PRKG1: variants seen among roughly 807,000 people sequenced by gnomAD.
PRKG1 encodes cGMP-dependent protein kinase 1.
Under a neutral mutation model 88.1 loss-of-function variants are expected in PRKG1, and 35 were observed. The observed-to-expected ratio is 0.40, with a 90% confidence interval of 0.30 to 0.53. PRKG1 has a LOEUF of 0.53. Among genes scored for constraint, PRKG1 ranks in the 20% least tolerant of loss-of-function variants. The pLI is 0.59. For synonymous variants in PRKG1, 303 were observed against 292.5 expected (o/e 1.04, Z -0.37); for missense variants, 540 against 839.8 (o/e 0.64, Z 4.41).
At chr10:51,581,487 G>A (rs1202552548) in intron 3 of PRKG1, among the ~76,000 whole-genome samples, 1 of 152,020 alleles carries the variant, frequency 6.6e-6, no homozygotes, top group Non-Finnish European at 1.5e-5. Context: ...TGCCCCTCAT[G>A]CGTCTGTTTA....
chr10:51,329,720 T>G (rs1230082887), intron 2 of PRKG1, among the ~76,000 whole-genome samples: 1 of 152,086 alleles, frequency 6.6e-6, no homozygotes, highest in African/African-American at 2.4e-5. Flanking sequence ...GGTTCCTTGT[T>G]TTTTGTTTTT....
chr10:51,304,233 C>T (rs1001206435), intron 2 of PRKG1, among the ~76,000 whole-genome samples: 2 of 136,670 alleles, frequency 1.5e-5, no homozygotes, highest in Admixed American at 1.6e-4. Flanking sequence ...TCAGTGTAAG[C>T]ACTTGAAAAT....
At chr10:52,008,880 A>C (rs899214912) in intron 5 of PRKG1, among the ~76,000 whole-genome samples, 4 of 152,206 alleles carry the variant, frequency 2.6e-5, no homozygotes, top group Non-Finnish European at 5.9e-5. Flanking sequence ...GGTTCAACAT[A>C]TGCAAATCAA....
chr10:51,169,822 C>T (rs1299897027), intron 2 of PRKG1, among the ~76,000 whole-genome samples: 1 of 152,088 alleles, frequency 6.6e-6, no homozygotes, highest in Non-Finnish European at 1.5e-5. Flanking sequence ...TAATATATGT[C>T]AAGCATCAAG....
chr10:52,008,979 C>T (rs950922040), intron 5 of PRKG1, among the ~76,000 whole-genome samples: 2 of 151,934 alleles, frequency 1.3e-5, no homozygotes, highest in Admixed American at 1.3e-4. Context: ...ATTCATCATC[C>T]CCTCATAGTA....
intron 2 of PRKG1, among the ~76,000 whole-genome samples, chr10:51,415,060 C>G (rs1444335568): frequency 6.6e-6 from 1 of 152,150 alleles, no homozygotes; most frequent in Non-Finnish European, 1.5e-5. Context: ...TGACTACTTT[C>G]ATTTTACAGA....
intron 3 of PRKG1, chr10:51,699,158 G>A: frequency 1.2e-6 from 2 of 1,614,176 alleles, no homozygotes; most frequent in Non-Finnish European, 1.7e-6. Flanking sequence ...ACTGGCTACT[G>A]CTCTGGTAAT....
chr10:52,138,373 T>C (rs10508968), intron 8 of PRKG1, among the ~76,000 whole-genome samples: 25,692 of 152,116 alleles, frequency 0.17, 2,581 homozygotes, highest in South Asian at 0.28. Context: ...TGTCCTATTA[T>C]CAATTGTTTT....
intron 2 of PRKG1, among the ~76,000 whole-genome samples, chr10:51,337,110 C>T (rs1841895424): frequency 6.6e-6 from 1 of 152,074 alleles, no homozygotes; most frequent in South Asian, 2.1e-4. Context: ...AAGACCACTC[C>T]TCTACAACCA....
At chr10:51,925,672 G>T (rs192535917) in intron 5 of PRKG1, among the ~76,000 whole-genome samples, 1 of 152,224 alleles carries the variant, frequency 6.6e-6, no homozygotes, top group African/African-American at 2.4e-5. Flanking sequence ...TTGAGAAAAA[G>T]TACAGATCAC....
intron 4 of PRKG1, among the ~76,000 whole-genome samples, chr10:51,857,597 G>A (rs911821693): frequency 2.0e-5 from 3 of 152,132 alleles, no homozygotes; most frequent in East Asian, 1.9e-4. Flanking sequence ...GAATGGGGGA[G>A]GAGAAGAACT....
At chr10:51,512,011 C>T (rs576114736) in intron 3 of PRKG1, among the ~76,000 whole-genome samples, 1 of 152,156 alleles carries the variant, frequency 6.6e-6, no homozygotes, top group East Asian at 1.9e-4. Context: ...TTGAGCAAAA[C>T]TGTCAGTCAT....
At chr10:51,203,470 G>A (rs1041386779) in intron 2 of PRKG1, among the ~76,000 whole-genome samples, 2 of 152,108 alleles carry the variant, frequency 1.3e-5, no homozygotes, top group Non-Finnish European at 2.9e-5. Flanking sequence ...GACCCATTCA[G>A]ACTATTTTCT....
intron 9 of PRKG1, among the ~76,000 whole-genome samples, chr10:52,223,230 C>T (rs1840294687): frequency 6.6e-6 from 1 of 152,006 alleles, no homozygotes; most frequent in Non-Finnish European, 1.5e-5. Context: ...TTTCCAATTC[C>T]TCACCTCCCA....
At chr10:51,551,572 A>G (rs774470288) in intron 3 of PRKG1, among the ~76,000 whole-genome samples, 3 of 151,786 alleles carry the variant, frequency 2.0e-5, no homozygotes, top group African/African-American at 7.2e-5. Context: ...GAATTTTTCT[A>G]TTTGCTGTGG....
chr10:51,459,741 T>C (rs1000141203), intron 2 of PRKG1, among the ~76,000 whole-genome samples: 5 of 152,170 alleles, frequency 3.3e-5, no homozygotes, highest in Non-Finnish European at 7.4e-5. Flanking sequence ...AGAAAGGATG[T>C]TATTCTAACA....
At chr10:51,864,054 C>T (rs1298652451) in intron 4 of PRKG1, among the ~76,000 whole-genome samples, 1 of 152,184 alleles carries the variant, frequency 6.6e-6, no homozygotes, top group East Asian at 1.9e-4. Context: ...GATTAGGGGA[C>T]CAACTGCCCC....
chr10:51,333,059 C>T lies in PRKG1; in HGVS notation c.479-134664C>T, dbSNP rs138766800. Among the ~76,000 whole-genome samples, 30 of 152,216 alleles carry T rather than the reference C, an allele frequency of 2.0e-4. No homozygotes were observed. In the East Asian group the frequency reaches 3.3e-3, roughly 17 times the overall value. Reference sequence around the variant, plus strand: ...ACATAACTTGCCACAAGCCACAAAACGGTGGGTGGACATCATGGTCTTAAC... The same window carrying T: ...ACATAACTTGCCACAAGCCACAAAATGGTGGGTGGACATCATGGTCTTAAC... On this transcript the variant is annotated intron_variant, in intron 2 of 17. Coordinates refer to ENST00000373980, the MANE Select transcript of PRKG1 (RefSeq NM_006258.4).
In PRKG1 at chr10:51,153,289, T is replaced by G; in HGVS notation, c.437T>G (p.Ile146Ser). ...GAGTATGGCAAGGACAGTTGCATCA[T>G]CAAAGAAGGAGACGTGGGGTCACTG... ...PVEYGKDSCI[I>S]KEGDVGSLVY... Residue 146 changes from isoleucine (I) to serine (S), a missense_variant, in exon 2 of 18, where the codon ATC becomes AGC. Ile to Ser is a moderately radical substitution (Grantham distance 142, BLOSUM62 -2). Around this residue, in one of 5 missense-constraint regions of PRKG1, gnomAD observed 400 missense variants for 562.7 expected, o/e 0.71. Transcript: ENST00000373980. 1 of 1,612,232 alleles carries G rather than the reference T, an allele frequency of 6.2e-7. No homozygotes were observed. Among genetic ancestry groups the G allele is most frequent in the South Asian group, 1.1e-5 (1 of 90,988 alleles).
Sources: allele counts gnomAD v4.1 joint callset (sites outside exome capture counted in the v4.1 genomes callset), GRCh38; gene constraint gnomAD v4.1.1; regional missense constraint gnomAD v4.1.1; transcripts MANE v1.5; gene names NCBI Gene and HGNC (gene_info 2026-07-23, HGNC 2026-07-21).